The following BRD10 variants were observed in gnomAD, a reference collection of about 807,000 sequenced individuals.
BRD10 encodes bromodomain containing 10, also known as uncharacterized bromodomain-containing protein 10.
the BRD10 span, chr9:5,924,570 T>C: frequency 1.5e-6 from 1 of 681,584 alleles, no homozygotes; most frequent in Non-Finnish European, 2.3e-6. Flanking sequence ...ATATATTTCA[T>C]TGACCATATT....
the BRD10 span, among the ~76,000 whole-genome samples, chr9:5,973,701 C>A: frequency 6.6e-6 from 1 of 151,774 alleles, no homozygotes; most frequent in East Asian, 1.9e-4. Context: ...TCAGACTAGG[C>A]AACATGGCGA....
At chr9:5,985,478 A>G in the BRD10 span, among the ~76,000 whole-genome samples, 1 of 152,244 alleles carries the variant, frequency 6.6e-6, no homozygotes, top group Non-Finnish European at 1.5e-5. Context: ...CAAAGGGCTT[A>G]TATCCAGAAT....
chr9:5,937,584 A>G, the BRD10 span, among the ~76,000 whole-genome samples: 6 of 152,334 alleles, frequency 3.9e-5, no homozygotes, highest in East Asian at 9.6e-4. Flanking sequence ...GCTCTTGACT[A>G]CAGAAGGATC....
chr9:5,927,277 C>G, the BRD10 span, among the ~76,000 whole-genome samples: 1 of 152,146 alleles, frequency 6.6e-6, no homozygotes, highest in Non-Finnish European at 1.5e-5. Context: ...CTCCATCTCC[C>G]TACCTAAGCT....
chr9:5,918,084 G>C, the BRD10 span, among the ~76,000 whole-genome samples: 1 of 152,272 alleles, frequency 6.6e-6, no homozygotes, highest in East Asian at 1.9e-4. Context: ...CACTTCCCCA[G>C]GGCTTTCTTA....
At chr9:5,924,769 T>A in the BRD10 span, 1 of 1,605,204 alleles carries the variant, frequency 6.2e-7, no homozygotes, top group African/African-American at 1.3e-5. Context: ...CCTTCATCAG[T>A]GGTCCATAGT....
the BRD10 span, chr9:5,908,685 TCAC>T: frequency 6.2e-7 from 1 of 1,614,134 alleles, no homozygotes; most frequent in Non-Finnish European, 8.5e-7. Flanking sequence ...TGCAGAACAG[TCAC>T]CACCACCTTA....
chr9:5,970,472 A>G, the BRD10 span, among the ~76,000 whole-genome samples: 1 of 152,220 alleles, frequency 6.6e-6, no homozygotes. Context: ...AATTAAAAAA[A>G]TGAAATTAGA....
chr9:5,904,073 G>A, the BRD10 span, among the ~76,000 whole-genome samples: 286 of 152,258 alleles, frequency 1.9e-3, 3 homozygotes, highest in Admixed American at 8.4e-3. Context: ...GCCCAGGCTG[G>A]TCTTGAACTC....
chr9:5,899,655 T>G, the BRD10 span, among the ~76,000 whole-genome samples: 2 of 152,208 alleles, frequency 1.3e-5, no homozygotes, highest in African/African-American at 4.8e-5. Flanking sequence ...ATCTCTGCCA[T>G]AGAACTCCAT....
chr9:5,984,776 T>G, the BRD10 span, among the ~76,000 whole-genome samples: 1 of 151,864 alleles, frequency 6.6e-6, no homozygotes, highest in African/African-American at 2.4e-5. Flanking sequence ...TAACCAAATA[T>G]GTAAAAAATG....
the BRD10 span, among the ~76,000 whole-genome samples, chr9:5,886,014 TC>T: frequency 6.6e-6 from 1 of 152,112 alleles, no homozygotes; most frequent in African/African-American, 2.4e-5. Flanking sequence ...CTTGTAGCCT[TC>T]CCAAAAGGGA....
chr9:5,896,019 T>C, the BRD10 span, among the ~76,000 whole-genome samples: 1 of 152,208 alleles, frequency 6.6e-6, no homozygotes, highest in African/African-American at 2.4e-5. Context: ...GAACACTCCT[T>C]GTGACAGCTT....
chr9:6,007,676 T>A, the BRD10 span: 7 of 1,608,674 alleles, frequency 4.4e-6, no homozygotes, highest in East Asian at 1.6e-4. Context: ...GGCCCTGAGG[T>A]CTGGGCCGCC....
chr9:5,929,198 C>A, the BRD10 span: 1 of 1,040,582 alleles, frequency 9.6e-7, no homozygotes, highest in South Asian at 1.4e-5. Flanking sequence ...TAGATTTATT[C>A]TAAAAGTAAA....
At chr9:5,947,639 G>C in the BRD10 span, among the ~76,000 whole-genome samples, 2 of 151,432 alleles carry the variant, frequency 1.3e-5, no homozygotes, top group South Asian at 2.1e-4. Context: ...CCAATATATA[G>C]AGTCAAATTA....
the BRD10 span, chr9:5,920,533 A>T: frequency 1.9e-6 from 3 of 1,613,978 alleles, no homozygotes; most frequent in South Asian, 3.3e-5. Context: ...TGGACGTATT[A>T]GTTATTTTAC....
chr9:5,933,255 T>C, the BRD10 span, among the ~76,000 whole-genome samples: 5 of 152,226 alleles, frequency 3.3e-5, no homozygotes, highest in Non-Finnish European at 7.3e-5. Flanking sequence ...TTTTCACTAT[T>C]TTCATAGGCA....
At chr9:5,886,047 C>T in the BRD10 span, among the ~76,000 whole-genome samples, 1 of 152,190 alleles carries the variant, frequency 6.6e-6, no homozygotes, top group East Asian at 1.9e-4. Flanking sequence ...GCATGGCTAG[C>T]GGGGACCGAA....
Sources: allele counts gnomAD v4.1 joint callset (sites outside exome capture counted in the v4.1 genomes callset), GRCh38; gene constraint gnomAD v4.1.1; transcripts MANE v1.5; gene names NCBI Gene and HGNC (gene_info 2026-07-23, HGNC 2026-07-21).